Variants in TESK2 observed in about 807,000 individuals in gnomAD.
TESK2 encodes the protein testis associated actin remodelling kinase 2, also known as dual specificity testis-specific protein kinase 2.
Under a neutral mutation model 57.1 loss-of-function variants are expected in TESK2, and 39 were observed. That is an observed-to-expected ratio of 0.68 (90% CI 0.53 to 0.89). The LOEUF (loss-of-function observed/expected upper bound fraction) is 0.89, where lower values mean the gene tolerates loss of function less well. Among genes scored for constraint, TESK2 ranks in the 40% least tolerant of loss-of-function variants. TESK2 has a pLI of 0.00. For synonymous variants in TESK2, 249 were observed against 267.9 expected (o/e 0.93, Z 0.69); for missense variants, 646 against 732.1 (o/e 0.88, Z 1.36).
intron 3 of TESK2, among the ~76,000 whole-genome samples, chr1:45,411,134 T>C (rs1432878205): frequency 6.6e-6 from 1 of 152,202 alleles, no homozygotes; most frequent in Non-Finnish European, 1.5e-5. Flanking sequence ...ATCACAAGAT[T>C]TGTGACTTCT....
chr1:45,439,491 C>T (rs2149293241), intron 2 of TESK2, among the ~76,000 whole-genome samples: 1 of 152,246 alleles, frequency 6.6e-6, no homozygotes, highest in African/African-American at 2.4e-5. Context: ...TAATAACTAG[C>T]CCTTAAATAG....
intron 2 of TESK2, among the ~76,000 whole-genome samples, chr1:45,439,957 A>C (rs1570732674): frequency 3.6e-5 from 5 of 139,022 alleles, no homozygotes; most frequent in East Asian, 2.5e-4. Flanking sequence ...GCGCCCCCCC[A>C]CTGCCACTTT....
chr1:45,347,193 C>A, intron 7 of TESK2, 131 bp from the exon 8 acceptor site: 1 of 707,884 alleles, frequency 1.4e-6, no homozygotes, highest in African/African-American at 1.8e-5. Context: ...TACTTCATCC[C>A]AGTCAGTCAC....
At chr1:45,486,231 T>G (rs1223591165) in intron 1 of TESK2, among the ~76,000 whole-genome samples, 2 of 152,212 alleles carry the variant, frequency 1.3e-5, no homozygotes, top group African/African-American at 4.8e-5. Flanking sequence ...ATGTAATAAT[T>G]GGGCTTCATC....
intron 1 of TESK2, among the ~76,000 whole-genome samples, chr1:45,485,525 T>TTA (rs1375378927): frequency 1.4e-5 from 1 of 73,384 alleles, no homozygotes; most frequent in African/African-American, 7.9e-5. Flanking sequence ...TTTATTTTAT[T>TTA]TTTTTTTTTT....
chr1:45,387,105 T>C (rs1648932849), intron 3 of TESK2, among the ~76,000 whole-genome samples: 1 of 152,284 alleles, frequency 6.6e-6, no homozygotes, highest in Admixed American at 6.5e-5. Context: ...AAATTTACCA[T>C]GAAGTATCTG....
At chr1:45,394,564 C>T (rs1649277422) in intron 3 of TESK2, among the ~76,000 whole-genome samples, 1 of 151,268 alleles carries the variant, frequency 6.6e-6, no homozygotes. Context: ...AATTTCTAAA[C>T]TCCCAGGTGA....
At chr1:45,473,300 C>T (rs1189588694) in intron 1 of TESK2, among the ~76,000 whole-genome samples, 1 of 151,994 alleles carries the variant, frequency 6.6e-6, no homozygotes, top group Non-Finnish European at 1.5e-5. Flanking sequence ...GTCAAGGGAA[C>T]ATCAATATAT....
Position 45,428,838 on chromosome 1 carries a change from T to TTTTG in TESK2, c.223-6993_223-6992insCAAA, listed in dbSNP as rs1650825629. ...CTGATTTTTTTTTTTTTTTTTTTTTTTGAGACGGAGTCTCGCTCTGTCACC... is the reference window on the plus strand; with the variant it reads ...CTGATTTTTTTTTTTTTTTTTTTTTTTTTGTGAGACGGAGTCTCGCTCTGTCACC... On this transcript the variant is annotated intron_variant, in intron 2 of 10. Transcript: ENST00000372086. Among the ~76,000 whole-genome samples, 14 of 146,732 alleles carry TTTTG rather than the reference T, an allele frequency of 9.5e-5. No homozygotes were observed. The South Asian group carries it at 3.1e-3, about 33-fold the overall frequency.
intron 3 of TESK2, among the ~76,000 whole-genome samples, chr1:45,420,901 A>G (rs1350302506): frequency 6.6e-6 from 1 of 152,152 alleles, no homozygotes; most frequent in Admixed American, 6.6e-5. Context: ...TTTTTTTTAA[A>G]AAGAAAATAT....
At chr1:45,483,060 A>C (rs1653298323) in intron 1 of TESK2, among the ~76,000 whole-genome samples, 1 of 150,500 alleles carries the variant, frequency 6.6e-6, no homozygotes, top group Non-Finnish European at 1.5e-5. Context: ...CGGGCAGATC[A>C]CAAGGTCAGG....
chr1:45,473,655 A>G (rs907566654), intron 1 of TESK2, among the ~76,000 whole-genome samples: 1 of 152,232 alleles, frequency 6.6e-6, no homozygotes, highest in African/African-American at 2.4e-5. Context: ...CCAATGACAT[A>G]ACAAAAAGCA....
intron 1 of TESK2, among the ~76,000 whole-genome samples, chr1:45,476,422 C>A (rs371903904): frequency 6.6e-6 from 1 of 150,384 alleles, no homozygotes; most frequent in African/African-American, 2.5e-5. Context: ...GCAGGAGAAT[C>A]GCTTGAGCCC....
chr1:45,408,012 T>G (rs1557561447), intron 3 of TESK2, among the ~76,000 whole-genome samples: 1 of 152,210 alleles, frequency 6.6e-6, no homozygotes, highest in Non-Finnish European at 1.5e-5. Flanking sequence ...CAACCTGAAC[T>G]GCTTATTTTG....
chr1:45,424,010 C>A (rs1459392655), intron 2 of TESK2, among the ~76,000 whole-genome samples: 3 of 152,130 alleles, frequency 2.0e-5, no homozygotes, highest in African/African-American at 4.8e-5. Flanking sequence ...GTAGAAAAAT[C>A]ATGAAGTCAC....
At chr1:45,479,586 G>A (rs1056586516) in intron 1 of TESK2, among the ~76,000 whole-genome samples, 9 of 151,494 alleles carry the variant, frequency 5.9e-5, no homozygotes, top group African/African-American at 1.7e-4. Context: ...GCGCCACCAC[G>A]CCCAGCCCCC....
intron 3 of TESK2, among the ~76,000 whole-genome samples, chr1:45,407,602 G>T (rs980681174): frequency 2.0e-5 from 3 of 152,108 alleles, no homozygotes; most frequent in African/African-American, 7.2e-5. Flanking sequence ...TCTCTCCCAT[G>T]CTGTTTTCGT....
intron 1 of TESK2, among the ~76,000 whole-genome samples, chr1:45,458,101 T>C (rs1652180241): frequency 6.6e-6 from 1 of 152,172 alleles, no homozygotes; most frequent in Non-Finnish European, 1.5e-5. Context: ...ACATTCTAAG[T>C]AACAAAATAA....
At chr1:45,376,213 C>CTTTTT (rs71052869) in intron 4 of TESK2, among the ~76,000 whole-genome samples, 39 of 80,696 alleles carry the variant, frequency 4.8e-4, no homozygotes, top group Admixed American at 1.1e-3. Flanking sequence ...CTTTCTCTCT[C>CTTTTT]TTTTTTTTTT....
Sources: allele counts gnomAD v4.1 joint callset (sites outside exome capture counted in the v4.1 genomes callset), GRCh38; gene constraint gnomAD v4.1.1; transcripts MANE v1.5; gene names NCBI Gene and HGNC (gene_info 2026-07-23, HGNC 2026-07-21).